PCDH15: variants seen among roughly 807,000 people sequenced by gnomAD.
The protein encoded by PCDH15 is protocadherin related 15.
In PCDH15, 129 loss-of-function variants were observed where a neutral mutation model predicts 178.5. That is an observed-to-expected ratio of 0.72 (90% CI 0.63 to 0.84). The LOEUF (loss-of-function observed/expected upper bound fraction) is 0.84. PCDH15 is among the 40% of genes least tolerant of loss of function. The probability of loss-of-function intolerance (pLI) is 0.00; values close to 1 mark genes in which losing one functional copy is unlikely to be tolerated. For synonymous variants in PCDH15, 800 were observed against 732.0 expected, an observed-to-expected ratio of 1.09 and a Z score of -1.50; for missense variants, 2,230 against 2,099.9, an observed-to-expected ratio of 1.06 and a Z score of -1.21.
intron 1 of PCDH15, among the ~76,000 whole-genome samples, chr10:55,196,733 C>T (rs1840102458): frequency 1.3e-5 from 2 of 152,008 alleles, no homozygotes; most frequent in Admixed American, 1.3e-4. Flanking sequence ...AAGAAAAATA[C>T]TATTTATGTA....
intron 13 of PCDH15, among the ~76,000 whole-genome samples, chr10:54,160,621 GATTATGT>G (rs1391564233): frequency 8.6e-5 from 13 of 152,018 alleles, no homozygotes; most frequent in Admixed American, 7.9e-4. Context: ...ATAAAATACA[GATTATGT>G]ATTTGCAAAA....
chr10:55,019,620 T>C (rs527484081), intron 2 of PCDH15, among the ~76,000 whole-genome samples: 11 of 152,274 alleles, frequency 7.2e-5, no homozygotes, highest in African/African-American at 2.4e-4. Flanking sequence ...ACTCCTGCTG[T>C]ACTAAGAAAT....
rs565614338 is a variant in PCDH15, at chr10:55,580,363, T to A, written c.-156+47262A>T. Among the ~76,000 whole-genome samples the A allele has an allele frequency of 4.7e-5, 7 of 149,198 alleles. No homozygotes were observed. The South Asian group carries it at 6.3e-4, about 13-fold the overall frequency. ...TCTTCATTTTTTTTATTTTTTTATT[T>A]TTTTTTTTTTTTGAGACGAAGTCTC... On this transcript the variant is annotated intron_variant, in intron 2 of 5. Coordinates refer to the PCDH15 transcript ENST00000613346.
intron 3 of PCDH15, among the ~76,000 whole-genome samples, chr10:54,821,760 C>T (rs1953045208): frequency 6.6e-6 from 1 of 152,088 alleles, no homozygotes; most frequent in Non-Finnish European, 1.5e-5. Flanking sequence ...AGCTTCACAA[C>T]TATAAATTGT....
intron 2 of PCDH15, among the ~76,000 whole-genome samples, chr10:55,078,770 A>C: frequency 6.6e-6 from 1 of 151,242 alleles, no homozygotes; most frequent in African/African-American, 2.4e-5. Flanking sequence ...TTTATCCCTC[A>C]CCCCCTTCCC....
intron 2 of PCDH15, among the ~76,000 whole-genome samples, chr10:54,989,036 G>A (rs1839440351): frequency 6.6e-6 from 1 of 152,182 alleles, no homozygotes; most frequent in South Asian, 2.1e-4. Flanking sequence ...CTCTGGCCAT[G>A]GCTGAAAGTG....
rs184690950 is a variant in PCDH15, at chr10:53,805,318, C to A, written c.*1261G>T. 2 of 152,086 alleles carry A rather than the reference C, an allele frequency of 1.3e-5. No individual in the cohort carries two copies. The highest frequency in any genetic ancestry group is 3.9e-4 in the East Asian group (2 of 5,162). The allele number at this position is 152,086 out of a possible 1,614,324, so 9.4% of individuals were successfully genotyped here. On this transcript the variant is annotated 3_prime_UTR_variant, in exon 38 of 38. Coordinates refer to ENST00000644397, the MANE Select transcript of PCDH15 (RefSeq NM_001384140.1). ...GTAATATTCAATAGAATTCTGAATTCTCTTAATCTATATTGTTTCATTCTT... is the reference window on the plus strand; with the variant it reads ...GTAATATTCAATAGAATTCTGAATTATCTTAATCTATATTGTTTCATTCTT...
intron 1 of PCDH15, among the ~76,000 whole-genome samples, chr10:55,303,329 G>C (rs1240479032): frequency 6.6e-6 from 1 of 152,150 alleles, no homozygotes; most frequent in Admixed American, 6.6e-5. Context: ...AGTCTTGCTT[G>C]AATCAGATTG....
At chr10:55,037,193 T>G (rs1389076148) in intron 2 of PCDH15, among the ~76,000 whole-genome samples, 1 of 152,186 alleles carries the variant, frequency 6.6e-6, no homozygotes, top group Admixed American at 6.5e-5. Flanking sequence ...ATCTGATCTT[T>G]TCAGTTTTAA....
At chr10:53,946,459 A>C (rs2086582740) in intron 23 of PCDH15, among the ~76,000 whole-genome samples, 1 of 152,168 alleles carries the variant, frequency 6.6e-6, no homozygotes, top group Non-Finnish European at 1.5e-5. Context: ...ACTTTTCTAG[A>C]ATGTCACATG....
At chr10:55,602,255 T>C (rs1410519769) in intron 2 of PCDH15, among the ~76,000 whole-genome samples, 2 of 152,090 alleles carry the variant, frequency 1.3e-5, no homozygotes, top group Non-Finnish European at 2.9e-5. Context: ...GGAGTATCGC[T>C]GATTGCTAGC....
At chr10:53,859,043 CTTTCT>C (rs907516235) in intron 27 of PCDH15, among the ~76,000 whole-genome samples, 6 of 122,016 alleles carry the variant, frequency 4.9e-5, no homozygotes, top group African/African-American at 1.8e-4. Flanking sequence ...TCCTTTTTTT[CTTTCT>C]TTTAACATTG....
intron 3 of PCDH15, among the ~76,000 whole-genome samples, chr10:54,515,150 C>T (rs954884797): frequency 6.6e-5 from 10 of 152,136 alleles, no homozygotes; most frequent in African/African-American, 2.2e-4. Context: ...TGCAGCGCAC[C>T]GTGCACCAGC....
intron 4 of PCDH15, among the ~76,000 whole-genome samples, chr10:54,373,418 G>C (rs1251012860): frequency 4.6e-5 from 7 of 151,824 alleles, no homozygotes; most frequent in Admixed American, 4.0e-4. Flanking sequence ...ACATAAAAAA[G>C]CAAACTTAAA....
At chr10:55,121,360 G>GT (rs368023347) in intron 2 of PCDH15, among the ~76,000 whole-genome samples, 7 of 87,198 alleles carry the variant, frequency 8.0e-5, no homozygotes, top group East Asian at 6.2e-4. Context: ...CTCAGAGCTG[G>GT]GGGGGGGCAA....
chr10:55,155,074 T>C (rs2589440), intron 2 of PCDH15, among the ~76,000 whole-genome samples: 60,965 of 129,764 alleles, frequency 0.47, 12,919 homozygotes, highest in East Asian at 0.58. Context: ...TGTCAACCTA[T>C]AGATGTAGTT....
chr10:55,212,698 A>T lies in PCDH15; in HGVS notation c.-155-46047T>A, dbSNP rs186727938. Among the ~76,000 whole-genome samples, 15 of 152,152 alleles carry T rather than the reference A, an allele frequency of 9.9e-5. No individual in the cohort carries two copies. The East Asian group carries it at 2.9e-3, about 29-fold the overall frequency. On this transcript the variant is annotated intron_variant, in intron 1 of 5. Coordinates refer to the PCDH15 transcript ENST00000458638. ...ATTCCGGGAAGCTCTGGGTCATGTG[A>T]GTAGGGGTCCATAAAAGTCAGCAGA...
At chr10:53,977,618 A>T (rs532384102) in intron 21 of PCDH15, among the ~76,000 whole-genome samples, 1 of 152,138 alleles carries the variant, frequency 6.6e-6, no homozygotes, top group Non-Finnish European at 1.5e-5. Context: ...ATGACCTCAC[A>T]TTTCAAAACA....
intron 1 of PCDH15, among the ~76,000 whole-genome samples, chr10:55,291,621 G>T (rs1211166447): frequency 6.6e-6 from 1 of 152,176 alleles, no homozygotes; most frequent in Non-Finnish European, 1.5e-5. Flanking sequence ...GTAATTCAAT[G>T]AAGAAAATTT....
Sources: gnomAD v4.1 joint callset for allele counts (sites outside exome capture counted in the v4.1 genomes callset) on GRCh38, gnomAD v4.1.1 for gene constraint, MANE v1.5 for transcripts, NCBI Gene and HGNC (gene_info 2026-07-23, HGNC 2026-07-21) for gene names.